TAFA1: variants seen among roughly 807,000 people sequenced by gnomAD.
The protein encoded by TAFA1 is TAFA chemokine like family member 1.
TAFA1 carries 4 observed loss-of-function variants against 18.5 expected under a neutral mutation model. The observed-to-expected ratio is 0.22, with a 90% confidence interval of 0.11 to 0.49. The LOEUF (loss-of-function observed/expected upper bound fraction) is 0.49, where lower values mean the gene tolerates loss of function less well. TAFA1 is among the 20% of genes least tolerant of loss of function. TAFA1 has a pLI of 0.98. For missense variants in TAFA1, 147 were observed against 169.0 expected, an observed-to-expected ratio of 0.87 and a Z score of 0.72; for synonymous variants, 56 against 55.2, an observed-to-expected ratio of 1.01 and a Z score of -0.06.
At chr3:68,343,150 CT>C (rs2069111702) in intron 2 of TAFA1, among the ~76,000 whole-genome samples, 1 of 152,104 alleles carries the variant, frequency 6.6e-6, no homozygotes, top group East Asian at 1.9e-4. Flanking sequence ...AGCAAATGTC[CT>C]AGGTTAATTG....
chr3:68,539,127 A>G (rs1190860851), intron 4 of TAFA1, among the ~76,000 whole-genome samples: 4 of 152,216 alleles, frequency 2.6e-5, no homozygotes, highest in Non-Finnish European at 4.4e-5. Context: ...GTTTCCAGCC[A>G]GAGTGGAGAG....
upstream of TAFA1, among the ~76,000 whole-genome samples, chr3:68,000,111 G>T (rs1262511616): frequency 6.6e-6 from 1 of 151,928 alleles, no homozygotes; most frequent in African/African-American, 2.4e-5. Context: ...TTCTGTAAAG[G>T]CAGCTCATTA....
intron 4 of TAFA1, among the ~76,000 whole-genome samples, chr3:68,544,092 A>G (rs773879844): frequency 1.3e-5 from 2 of 151,994 alleles, no homozygotes; most frequent in African/African-American, 2.4e-5. Context: ...ATGAAAGTGC[A>G]GGGCCCTTGT....
intron 2 of TAFA1, among the ~76,000 whole-genome samples, chr3:68,374,429 T>C (rs2069769315): frequency 6.6e-6 from 1 of 152,174 alleles, no homozygotes; most frequent in Non-Finnish European, 1.5e-5. Flanking sequence ...TTGCCTTCTG[T>C]ACTGTTATCT....
intron 2 of TAFA1, among the ~76,000 whole-genome samples, chr3:68,357,191 C>T (rs926143522): frequency 6.6e-6 from 1 of 151,816 alleles, no homozygotes; most frequent in Non-Finnish European, 1.5e-5. Context: ...AACTATTTGC[C>T]TAATTAGAAT....
intron 2 of TAFA1, among the ~76,000 whole-genome samples, chr3:68,078,919 C>T (rs2064860645): frequency 6.6e-6 from 1 of 152,128 alleles, no homozygotes; most frequent in African/African-American, 2.4e-5. Flanking sequence ...TGGTAGAATT[C>T]GGCTGTGAAT....
chr3:68,426,821 G>A (rs1416440326), intron 3 of TAFA1, among the ~76,000 whole-genome samples: 1 of 151,780 alleles, frequency 6.6e-6, no homozygotes, highest in African/African-American at 2.4e-5. Context: ...TCTCTTGAAT[G>A]TTTAATTCTC....
chr3:68,138,415 G>A lies in TAFA1; in HGVS notation c.118+131671G>A, dbSNP rs2065632543. ...AGGAAAGTAACATATTGTACATCAG[G>A]TTTTGTGGCTTATGTTTAGTCAAAG... On this transcript the variant is annotated intron_variant, in intron 2 of 4. Transcript: ENST00000478136. Among the ~76,000 whole-genome samples the A allele has an allele frequency of 2.0e-5, 3 of 152,160 alleles. No homozygotes were observed. The South Asian group carries it at 6.2e-4, about 32-fold the overall frequency.
At chr3:68,241,055 G>T (rs930804581) in intron 2 of TAFA1, among the ~76,000 whole-genome samples, 1 of 152,078 alleles carries the variant, frequency 6.6e-6, no homozygotes, top group African/African-American at 2.4e-5. Flanking sequence ...GATATAAATC[G>T]TCACAGCATA....
chr3:68,159,673 C>T (rs925751172), intron 2 of TAFA1, among the ~76,000 whole-genome samples: 1 of 152,102 alleles, frequency 6.6e-6, no homozygotes, highest in Non-Finnish European at 1.5e-5. Flanking sequence ...AGGAGGTTGC[C>T]TCAAGAGATA....
chr3:68,447,152 A>C (rs2071484253), intron 3 of TAFA1, among the ~76,000 whole-genome samples: 1 of 152,206 alleles, frequency 6.6e-6, no homozygotes, highest in Non-Finnish European at 1.5e-5. Flanking sequence ...TTAAATATCC[A>C]TACGTGTGCC....
intron 2 of TAFA1, among the ~76,000 whole-genome samples, chr3:68,042,008 A>G (rs1416910014): frequency 6.6e-6 from 1 of 152,190 alleles, no homozygotes; most frequent in Admixed American, 6.5e-5. Flanking sequence ...ACAATTTTGC[A>G]TTATTTGCCA....
chr3:68,451,668 T>C (rs1480490212), intron 3 of TAFA1, among the ~76,000 whole-genome samples: 3 of 152,098 alleles, frequency 2.0e-5, no homozygotes, highest in African/African-American at 4.8e-5. Context: ...GGGATTTGTA[T>C]AGGTATAATG....
chr3:68,240,713 A>T (rs2066985763), intron 2 of TAFA1, among the ~76,000 whole-genome samples: 1 of 152,168 alleles, frequency 6.6e-6, no homozygotes, highest in Admixed American at 6.5e-5. Context: ...AGGACAGAGG[A>T]ATCTTGCTTC....
At chr3:68,390,714 G>C (rs141454481) in intron 2 of TAFA1, among the ~76,000 whole-genome samples, 43 of 152,276 alleles carry the variant, frequency 2.8e-4, no homozygotes, top group African/African-American at 9.4e-4. Flanking sequence ...AGGCAAACAG[G>C]GTCTGGAGTA....
chr3:68,008,978 T>C (rs1704418995), intron 2 of TAFA1, among the ~76,000 whole-genome samples: 1 of 152,208 alleles, frequency 6.6e-6, no homozygotes, highest in South Asian at 2.1e-4. Context: ...ATAAGTCTTT[T>C]GTAAGCTGTA....
intron 3 of TAFA1, among the ~76,000 whole-genome samples, chr3:68,439,736 T>C (rs2071338636): frequency 1.3e-5 from 2 of 151,908 alleles, no homozygotes; most frequent in Non-Finnish European, 2.9e-5. Context: ...GACTCAAATG[T>C]TAATCTCCTT....
chr3:68,372,486 G>A (rs1456513421), intron 2 of TAFA1, among the ~76,000 whole-genome samples: 2 of 152,162 alleles, frequency 1.3e-5, no homozygotes, highest in East Asian at 3.9e-4. Context: ...AGAGCCAGGT[G>A]GGTTTGAAGA....
chr3:68,298,809 T>C (rs2068256053), intron 2 of TAFA1, among the ~76,000 whole-genome samples: 1 of 152,206 alleles, frequency 6.6e-6, no homozygotes, highest in Non-Finnish European at 1.5e-5. Context: ...GAACTGTGAA[T>C]CAATTAAAGC....
Sources: gnomAD v4.1 joint callset for allele counts (sites outside exome capture counted in the v4.1 genomes callset) on GRCh38, gnomAD v4.1.1 for gene constraint, MANE v1.5 for transcripts, NCBI Gene and HGNC (gene_info 2026-07-23, HGNC 2026-07-21) for gene names.